NELFA: variants seen among roughly 807,000 people sequenced by gnomAD.
NELFA encodes the protein negative elongation factor A.
NELFA carries 35 observed loss-of-function variants against 51.8 expected under a neutral mutation model. That is an observed-to-expected ratio of 0.68 (90% CI 0.52 to 0.90). The LOEUF (loss-of-function observed/expected upper bound fraction) is 0.90, where lower values mean the gene tolerates loss of function less well. NELFA is among the 40% of genes least tolerant of loss of function. The pLI, the probability that NELFA is intolerant of heterozygous loss-of-function variation, is 0.00. For missense variants in NELFA, 658 were observed against 746.4 expected, an observed-to-expected ratio of 0.88 and a Z score of 1.38; for synonymous variants, 417 against 338.4, an observed-to-expected ratio of 1.23 and a Z score of -2.55.
At chr4:2,008,285 G>T (rs983987518) in intron 1 of NELFA, among the ~76,000 whole-genome samples, 2 of 151,900 alleles carry the variant, frequency 1.3e-5, no homozygotes, top group African/African-American at 2.4e-5. Context: ...GAAGGCGGGG[G>T]AGGCGGGGGC....
Position 1,983,990 on chromosome 4 carries a change from G to C in NELFA, c.1160C>G (p.Thr387Arg). 1 of 1,609,876 alleles carries C rather than the reference G, an allele frequency of 6.2e-7. No homozygotes were observed. Among genetic ancestry groups the C allele is most frequent in the Non-Finnish European group, 8.5e-7 (1 of 1,179,642 alleles). Residue 387 changes from threonine (T) to arginine (R), a missense_variant, in exon 9 of 11, where the codon ACG (threonine) becomes AGG (arginine). Coordinates refer to ENST00000382882, the MANE Select transcript of NELFA (RefSeq NM_005663.5). ...CAGAGGCGAGGTGGGCGCCGCAGGC[G>C]TGGGTGTGGCAGGGCTCAGGCCGCT... is the stretch of plus-strand genomic sequence containing the variant. ...YNSGLSPATP[T>R]PAAPTSPLTP...
Position 1,987,644 on chromosome 4 carries a change from GT to G in NELFA, c.634+273del. The G allele has an allele frequency of 8.8e-6, 4 of 454,160 alleles. No homozygotes were observed. In the South Asian group the frequency reaches 1.4e-4, roughly 16 times the overall value. 28.1% of individuals were successfully genotyped at this position (454,160 alleles called of 1,614,324 possible). A position where few individuals can be genotyped will look rare whatever the true frequency, so the allele number is the denominator to read the frequency against. On this transcript the variant is annotated intron_variant, in intron 4 of 10. Transcript: ENST00000382882. ...GGCCTTCCTGTCTCCATGCCCAGCG[GT>G]GTCCTCAGATCCCGGCCTTCCTGTC... is the stretch of plus-strand genomic sequence containing the variant.
Position 2,008,874 on chromosome 4 carries a change from A to G in NELFA, c.86T>C (p.Ile29Thr). Residue 29 changes from isoleucine (I) to threonine (T), a missense_variant, in exon 1 of 11, where the codon ATC becomes ACC. By Grantham distance (89) the Ile-to-Thr change is moderately conservative. Coordinates refer to ENST00000382882, the MANE Select transcript of NELFA (RefSeq NM_005663.5). ...ATDELWAPPS[I>T]ASLLTAAVID... ...GACCGCGGCCGTGAGCAGGGACGCG[A>G]TGCTGGGCGGCGCCCACAGCTCGTC... 1 of 1,598,620 alleles carries G rather than the reference A, an allele frequency of 6.3e-7. No homozygotes were observed. The highest frequency in any genetic ancestry group is 2.3e-5 in the East Asian group (1 of 44,228).
chr4:1,988,000 C>T lies in NELFA; in HGVS notation c.552G>A (p.Glu184=). ...LRAELLQKST[E]TAQQLKRSAG... ...CGCTCCGCTTCAACTGCTGGGCGGT[C>T]TCCGTGGCTGGAAGGAAGAGGTCAC... The change falls in exon 4 of 11, where the codon GAG becomes GAA. Residue 184 remains glutamate (E), a synonymous_variant. Coordinates refer to ENST00000382882, the MANE Select transcript of NELFA (RefSeq NM_005663.5). The T allele has an allele frequency of 6.2e-7, 1 of 1,610,368 alleles. No individual in the cohort carries two copies. Among genetic ancestry groups the T allele is most frequent in the East Asian group, 2.2e-5 (1 of 44,872 alleles).
chr4:1,986,217 G>T (rs200567269), intron 5 of NELFA, 34 bp from the exon 6 acceptor site: 1 of 1,560,898 alleles, frequency 6.4e-7, no homozygotes, highest in Admixed American at 1.9e-5. Context: ...CCTTAGTGAC[G>T]GCACCAGGGC....
At position 1,983,633 on chromosome 4, in the gene NELFA, C is replaced by T; in HGVS notation, c.1365G>A (p.Glu455=). 1 of 1,614,114 alleles carries T rather than the reference C, an allele frequency of 6.2e-7. No homozygotes were observed. The change falls in exon 10 of 11, where the codon GAG becomes GAA. Residue 455 remains glutamate, a synonymous_variant. Transcript: ENST00000382882. ...CCATGAAGCCCAGGATGAGGGCCTT[C>T]TCGGGCCGCGTGACTTTGTTGGCCG... is the stretch of plus-strand genomic sequence containing the variant. ...FKTANKVTRP[E]KALILGFMAG...
chr4:2,008,972 C>T lies in NELFA; in HGVS notation c.-13G>A, dbSNP rs999421577. On this transcript the variant is annotated 5_prime_UTR_variant, in exon 1 of 11. Coordinates refer to ENST00000382882, the MANE Select transcript of NELFA (RefSeq NM_005663.5). ...GCATGGACGCCATCTTGGGGGAAAGCGCGCGCCGCTGCCCCGGCATCTTAT... is the reference window on the plus strand; with the variant it reads ...GCATGGACGCCATCTTGGGGGAAAGTGCGCGCCGCTGCCCCGGCATCTTAT... 3 of 1,551,982 alleles carry T rather than the reference C, an allele frequency of 1.9e-6. No homozygotes were observed. In the African/African-American group the frequency reaches 4.1e-5, roughly 21 times the overall value.
At position 2,006,560 on chromosome 4, in the gene NELFA, G is replaced by C. The variant is rs145534693; in HGVS notation, c.210+2190C>G. Among the ~76,000 whole-genome samples the C allele has an allele frequency of 8.9e-4, 135 of 152,202 alleles. 2 individuals are homozygous for C. In the East Asian group the frequency reaches 0.024, roughly 27 times the overall value. ...AAGGCAGGAGGATCACTTGAGGCTA[G>C]GAGTTCAAGACCAGCCTGGGCAATA... On this transcript the variant is annotated intron_variant, in intron 1 of 10. Transcript: ENST00000382882.
At chr4:1,993,030 G>C (rs553194321) in intron 1 of NELFA, among the ~76,000 whole-genome samples, 1 of 152,358 alleles carries the variant, frequency 6.6e-6, no homozygotes, top group South Asian at 2.1e-4. Flanking sequence ...GTGGCTGCAG[G>C]AAGCGCTGCG....
At chr4:1,991,747 G>T in intron 1 of NELFA, 32 bp from the exon 2 acceptor site, 1 of 1,555,394 alleles carries the variant, frequency 6.4e-7, no homozygotes, top group Non-Finnish European at 8.7e-7. Context: ...GCGCCACCAT[G>T]CCCCTGCCCA....
At chr4:1,986,003 G>T in intron 6 of NELFA, 111 bp downstream of exon 6, 1 of 1,379,288 alleles carries the variant, frequency 7.3e-7, no homozygotes, top group Non-Finnish European at 9.9e-7. Flanking sequence ...CCCACGGAGA[G>T]CAGCCTCACG....
chr4:1,988,990 G>C (rs1442395869), intron 3 of NELFA, among the ~76,000 whole-genome samples: 2 of 146,026 alleles, frequency 1.4e-5, no homozygotes, highest in Non-Finnish European at 3.0e-5. Flanking sequence ...TTGTTGCCCA[G>C]GCTGGAGTGC....
chr4:1,985,667 T>C, intron 7 of NELFA, 109 bp downstream of exon 7: 1 of 799,396 alleles, frequency 1.3e-6, no homozygotes, highest in African/African-American at 1.7e-5. Context: ...ACTGCACACA[T>C]ATGTACATAC....
In NELFA at chr4:1,983,439, C is replaced by T. The variant is rs770310610; in HGVS notation, c.1467G>A (p.Leu489=). Residue 489 remains leucine, a synonymous_variant, in exon 11 of 11, where the codon CTG becomes CTA. Transcript: ENST00000382882. ...QIKLSEHTED[L]PKADGQGSTT... ...TGCTACCCTGGCCGTCCGCCTTGGG[C>T]AGGTCCTCCGTGTGCTCGCTCAGCT... 5 of 1,614,206 alleles carry T rather than the reference C, an allele frequency of 3.1e-6. No individual in the cohort carries two copies. The South Asian group carries it at 4.4e-5, about 14-fold the overall frequency.
chr4:2,004,970 T>C (rs1728672026), intron 1 of NELFA, among the ~76,000 whole-genome samples: 1 of 151,570 alleles, frequency 6.6e-6, no homozygotes, highest in African/African-American at 2.4e-5. Context: ...CATGCCCGGC[T>C]AATTTTTTTG....
chr4:2,008,618 C>CG (rs1316877501), intron 1 of NELFA, 132 bp downstream of exon 1: 37 of 958,284 alleles, frequency 3.9e-5, no homozygotes, highest in Middle Eastern at 3.4e-4. Context: ...GAGGGCGGGC[C>CG]GGGGGGGTTA....
intron 1 of NELFA, 143 bp downstream of exon 1, chr4:2,008,607 T>A: frequency 1.4e-6 from 1 of 724,000 alleles, no homozygotes; most frequent in South Asian, 1.8e-5. Context: ...GGAGGGGGCG[T>A]GAGGGCGGGC....
chr4:2,007,135 A>T (rs1728730653), intron 1 of NELFA: 1 of 435,628 alleles, frequency 2.3e-6, no homozygotes, highest in South Asian at 1.6e-5. Context: ...TGAGGTGAGG[A>T]GGTCAAGGCT....
chr4:1,998,678 G>A (rs368168556), intron 1 of NELFA, among the ~76,000 whole-genome samples: 1 of 152,134 alleles, frequency 6.6e-6, no homozygotes, highest in Non-Finnish European at 1.5e-5. Context: ...ACTACTGACT[G>A]GAGTACCAGA....
Sources: gnomAD v4.1 joint callset for allele counts (sites outside exome capture counted in the v4.1 genomes callset) on GRCh38, gnomAD v4.1.1 for gene constraint, MANE v1.5 for transcripts, NCBI Gene and HGNC (gene_info 2026-07-23, HGNC 2026-07-21) for gene names.